EIF2AK4: variants seen among roughly 807,000 people sequenced by gnomAD.
EIF2AK4 encodes the protein eIF-2-alpha kinase GCN2.
Under a neutral mutation model 211.1 loss-of-function variants are expected in EIF2AK4, and 139 were observed. The observed-to-expected ratio is 0.66, with a 90% CI of 0.57 to 0.76. The LOEUF (loss-of-function observed/expected upper bound fraction) is 0.76. Ranked by LOEUF, EIF2AK4 falls within the 30% of genes least tolerant of loss-of-function variation. EIF2AK4 has a pLI of 0.00. For missense variants in EIF2AK4, 1,664 were observed against 2,043.8 expected, an observed-to-expected ratio of 0.81 and a Z score of 3.58; for synonymous variants, 710 against 751.3, an observed-to-expected ratio of 0.94 and a Z score of 0.90.
At position 39,998,800 on chromosome 15, in the gene EIF2AK4, G is replaced by A. The variant is rs373972747; in HGVS notation, c.2922+16G>A. On this transcript the variant is annotated intron_variant, in intron 20 of 38. Coordinates refer to ENST00000263791, the MANE Select transcript of EIF2AK4 (RefSeq NM_001013703.4). ...TGCAAAGCAGGTAATTTTCTGATGC[G>A]TCAATTACTATGTCTTCAGTCTTGC... 6.2e-6 allele frequency: 10 copies of A among 1,600,918 alleles called. No homozygotes were observed. In the East Asian group the frequency reaches 6.7e-5, roughly 11 times the overall value.
intron 5 of EIF2AK4, 148 bp from the exon 6 acceptor site, chr15:39,955,472 T>C: frequency 1.3e-6 from 1 of 763,878 alleles, no homozygotes; most frequent in Non-Finnish European, 2.0e-6. Flanking sequence ...CTAGCTATTT[T>C]AAACGATTAA....
intron 18 of EIF2AK4, among the ~76,000 whole-genome samples, 196 bp from the exon 19 acceptor site, chr15:39,996,765 TATC>T (rs2140931537): frequency 6.6e-6 from 1 of 152,318 alleles, no homozygotes; most frequent in Admixed American, 6.5e-5. Flanking sequence ...CCAAATATTT[TATC>T]ATCATCTGAA....
intron 11 of EIF2AK4, 36 bp from the exon 12 acceptor site, chr15:39,976,378 C>T: frequency 1.3e-6 from 2 of 1,553,848 alleles, no homozygotes; most frequent in Non-Finnish European, 1.7e-6. Flanking sequence ...TTGTGCAAGG[C>T]TCCGAGCGGC....
intron 9 of EIF2AK4, among the ~76,000 whole-genome samples, chr15:39,972,241 C>T (rs1475121601): frequency 6.6e-6 from 1 of 151,654 alleles, no homozygotes; most frequent in African/African-American, 2.4e-5. Context: ...TGCCTGTAGT[C>T]CCAGCTACTG....
At chr15:40,025,897 G>C in intron 32 of EIF2AK4, 80 bp from the exon 33 acceptor site, 1 of 1,326,890 alleles carries the variant, frequency 7.5e-7, no homozygotes, top group Non-Finnish European at 1.1e-6. Flanking sequence ...TATTGATTTA[G>C]TAGTCTTACT....
intron 26 of EIF2AK4, among the ~76,000 whole-genome samples, chr15:40,011,075 G>T (rs1451948781): frequency 6.6e-6 from 1 of 152,032 alleles, no homozygotes; most frequent in Non-Finnish European, 1.5e-5. Flanking sequence ...TTTTGTCAGG[G>T]TTTTTCAGAT....
intron 4 of EIF2AK4, among the ~76,000 whole-genome samples, chr15:39,953,446 T>C (rs547459543): frequency 6.6e-6 from 1 of 152,294 alleles, no homozygotes; most frequent in African/African-American, 2.4e-5. Flanking sequence ...GTAGGTATGG[T>C]ACTTGGGCCA....
chr15:39,962,631 T>G (rs1047510598), intron 7 of EIF2AK4, among the ~76,000 whole-genome samples: 2 of 152,210 alleles, frequency 1.3e-5, no homozygotes, highest in African/African-American at 4.8e-5. Flanking sequence ...TGACCAGATC[T>G]CATTTTCTTA....
At chr15:39,997,802 C>T (rs1233330772) in intron 19 of EIF2AK4, among the ~76,000 whole-genome samples, 1 of 152,158 alleles carries the variant, frequency 6.6e-6, no homozygotes, top group Non-Finnish European at 1.5e-5. Flanking sequence ...CAGAGATGCC[C>T]ATGAGCAAAC....
At chr15:39,959,162 G>A (rs2034432942) in intron 6 of EIF2AK4, among the ~76,000 whole-genome samples, 1 of 152,148 alleles carries the variant, frequency 6.6e-6, no homozygotes, top group Non-Finnish European at 1.5e-5. Context: ...CTCTAGAATA[G>A]ATCATGATGA....
At chr15:39,988,965 C>T (rs1466162964) in intron 15 of EIF2AK4, among the ~76,000 whole-genome samples, 2 of 152,046 alleles carry the variant, frequency 1.3e-5, no homozygotes, top group African/African-American at 4.8e-5. Flanking sequence ...TGTACCACTG[C>T]GCTCCAGCCT....
rs183110256 is a variant in EIF2AK4, at chr15:40,022,427, T to A, written c.4303-92T>A. On this transcript the variant is annotated intron_variant, in intron 31 of 38. Coordinates refer to ENST00000263791, the MANE Select transcript of EIF2AK4 (RefSeq NM_001013703.4). ...ATTTTAGTAATTCACATTGAGAATA[T>A]AATTGGAAACAGTATTTTCATTCTC... 56 of 1,065,608 alleles carry A rather than the reference T, an allele frequency of 5.3e-5. 1 individual carries two copies. The highest frequency in any genetic ancestry group is 4.8e-4 in the South Asian group (33 of 68,216). 66.0% of individuals were successfully genotyped at this position (1,065,608 alleles called of 1,614,324 possible).
intron 37 of EIF2AK4, among the ~76,000 whole-genome samples, chr15:40,033,691 G>C (rs905959425): frequency 2.0e-5 from 3 of 152,160 alleles, no homozygotes; most frequent in Non-Finnish European, 4.4e-5. Context: ...TTATGATCCA[G>C]TCAAATGGAT....
At chr15:39,945,170 G>A (rs969791696) in intron 3 of EIF2AK4, among the ~76,000 whole-genome samples, 16 of 150,970 alleles carry the variant, frequency 1.1e-4, no homozygotes, top group Non-Finnish European at 2.1e-4. Flanking sequence ...TTTGAGAGAC[G>A]AAGTCTCACC....
At chr15:39,959,096 A>G (rs1489539692) in intron 6 of EIF2AK4, among the ~76,000 whole-genome samples, 1 of 152,226 alleles carries the variant, frequency 6.6e-6, no homozygotes, top group African/African-American at 2.4e-5. Context: ...AAAACTGATA[A>G]CATGGGTGAT....
intron 21 of EIF2AK4, 37 bp downstream of exon 21, chr15:40,001,261 C>G: frequency 1.9e-6 from 3 of 1,594,256 alleles, no homozygotes; most frequent in African/African-American, 2.7e-5. Context: ...GGAGCTTCAC[C>G]TTGTCCACAA....
intron 3 of EIF2AK4, chr15:39,947,011 T>C (rs527434455): frequency 5.1e-6 from 1 of 194,272 alleles, no homozygotes; most frequent in Non-Finnish European, 1.0e-5. Flanking sequence ...CTCGCTTTAT[T>C]GTGACATTTG....
intron 25 of EIF2AK4, among the ~76,000 whole-genome samples, chr15:40,008,761 T>A (rs2035196282): frequency 6.6e-6 from 1 of 152,134 alleles, no homozygotes; most frequent in Non-Finnish European, 1.5e-5. Context: ...TCTTCTCAAC[T>A]CTCACAGGTC....
chr15:39,948,330 T>TTA (rs1221280317), intron 3 of EIF2AK4, among the ~76,000 whole-genome samples: 4 of 152,222 alleles, frequency 2.6e-5, no homozygotes, highest in African/African-American at 9.6e-5. Context: ...AATCTCAATG[T>TTA]TATGTTCCTC....
Sources: allele counts gnomAD v4.1 joint callset (sites outside exome capture counted in the v4.1 genomes callset), GRCh38; gene constraint gnomAD v4.1.1; transcripts MANE v1.5; gene names NCBI Gene and HGNC (gene_info 2026-07-23, HGNC 2026-07-21).